DPP10: variants seen among roughly 807,000 people sequenced by gnomAD.
DPP10 encodes inactive dipeptidyl peptidase 10.
Under a neutral mutation model 120.9 loss-of-function variants are expected in DPP10, and 33 were observed. That is an observed-to-expected ratio of 0.27 (90% CI 0.21 to 0.37). The LOEUF (loss-of-function observed/expected upper bound fraction) is 0.37. Among genes scored for constraint, DPP10 ranks in the 10% least tolerant of loss-of-function variants. The pLI, the probability that DPP10 is intolerant of heterozygous loss-of-function variation, is 1.00. For missense variants in DPP10, 816 were observed against 942.8 expected (o/e 0.87, Z 1.76); for synonymous variants, 337 against 326.1 (o/e 1.03, Z -0.36).
At chr2:115,391,975 A>G (rs1359319197) in intron 3 of DPP10, among the ~76,000 whole-genome samples, 2 of 152,150 alleles carry the variant, frequency 1.3e-5, no homozygotes, top group Non-Finnish European at 2.9e-5. Context: ...CTATTGACCT[A>G]GAAGACTGGG....
chr2:114,910,174 AT>A (rs1488281278), intron 1 of DPP10, among the ~76,000 whole-genome samples: 1 of 151,948 alleles, frequency 6.6e-6, no homozygotes, highest in Non-Finnish European at 1.5e-5. Context: ...ATACACACAC[AT>A]ATAATTTATA....
intron 3 of DPP10, among the ~76,000 whole-genome samples, chr2:115,368,741 G>A (rs1469507300): frequency 6.6e-6 from 1 of 151,626 alleles, no homozygotes; most frequent in African/African-American, 2.4e-5. Flanking sequence ...TTTTAAAAGA[G>A]TGTGATAGTC....
intron 1 of DPP10, among the ~76,000 whole-genome samples, chr2:114,977,357 T>C (rs1265654933): frequency 6.6e-6 from 1 of 152,188 alleles, no homozygotes; most frequent in Non-Finnish European, 1.5e-5. Context: ...TGTAAGTGAA[T>C]GAATTCTTCA....
intron 11 of DPP10, among the ~76,000 whole-genome samples, chr2:115,761,045 C>G (rs181543596): frequency 9.8e-4 from 146 of 149,206 alleles, no homozygotes; most frequent in African/African-American, 3.4e-3. Context: ...TTCAGTGAGC[C>G]GAGATCGGGC....
chr2:114,999,789 A>T (rs193141145), intron 1 of DPP10, among the ~76,000 whole-genome samples: 21 of 152,122 alleles, frequency 1.4e-4, no homozygotes, highest in African/African-American at 4.8e-4. Context: ...ACCCCAGAAG[A>T]TGCTGCATCT....
Position 115,662,151 on chromosome 2 carries a change from C to T in DPP10, c.442-27536C>T, listed in dbSNP as rs1357605588. 3.9e-5 allele frequency among the ~76,000 whole-genome samples: 6 copies of T among 152,254 alleles called. No individual in the cohort carries two copies. In the East Asian group the frequency reaches 1.2e-3, roughly 29 times the overall value. ...TGTGTGTTTGGTTTATTTTACTAAG[C>T]TTAATGACCTTCAGGTTTATCCATT... On this transcript the variant is annotated intron_variant, in intron 5 of 25. Transcript: ENST00000410059.
chr2:115,712,871 T>C (rs1363809465), intron 7 of DPP10, among the ~76,000 whole-genome samples: 1 of 151,998 alleles, frequency 6.6e-6, no homozygotes, highest in Non-Finnish European at 1.5e-5. Flanking sequence ...ATCAAGTCCA[T>C]TGCAAATGTT....
chr2:115,213,047 G>A (rs1266061121), intron 1 of DPP10, among the ~76,000 whole-genome samples: 1 of 152,096 alleles, frequency 6.6e-6, no homozygotes, highest in Non-Finnish European at 1.5e-5. Flanking sequence ...CTTTACGTGA[G>A]TTCTTAAATA....
At chr2:115,026,815 T>G (rs1457719082) in intron 1 of DPP10, among the ~76,000 whole-genome samples, 1 of 152,140 alleles carries the variant, frequency 6.6e-6, no homozygotes, top group Non-Finnish European at 1.5e-5. Context: ...GGATTACAGG[T>G]GTGAGCCACT....
rs1237604800 is a variant in DPP10 at position 114,896,998 on chromosome 2, T to C, written c.61-412241T>C. On this transcript the variant is annotated intron_variant, in intron 1 of 25. Transcript: ENST00000410059. ...TTCTGCATCTATTGAGATAATCATG[T>C]GGTTTTTGTCTTTGGCTCTGTTTAT... Among the ~76,000 whole-genome samples the C allele has an allele frequency of 1.6e-4, 25 of 152,198 alleles. 1 individual carries two copies. Among genetic ancestry groups the C allele is most frequent in the Admixed American group, 1.6e-3 (25 of 15,284 alleles).
chr2:114,631,045 C>T (rs1012329251), intron 1 of DPP10, among the ~76,000 whole-genome samples: 2 of 152,048 alleles, frequency 1.3e-5, no homozygotes, highest in African/African-American at 4.8e-5. Flanking sequence ...AGATTTGCTG[C>T]AAGGAAAACT....
At chr2:115,699,052 A>AAAAAAAAAAAAAAAAC (rs2091760937) in intron 7 of DPP10, among the ~76,000 whole-genome samples, 1 of 143,154 alleles carries the variant, frequency 7.0e-6, no homozygotes, top group African/African-American at 2.5e-5. Flanking sequence ...AAAAAAAACA[A>AAAAAAAAAAAAAAAAC]GAGAAGACTC....
At chr2:115,056,341 GCA>G (rs926709409) in intron 1 of DPP10, among the ~76,000 whole-genome samples, 1 of 151,990 alleles carries the variant, frequency 6.6e-6, no homozygotes, top group African/African-American at 2.4e-5. Context: ...GTCACTGAAG[GCA>G]CACCATGATT....
chr2:115,185,245 CT>C (rs5833580), intron 1 of DPP10, among the ~76,000 whole-genome samples: 111,256 of 146,970 alleles, frequency 0.76, 42,266 homozygotes, highest in East Asian at 0.89. Context: ...TTTTTTGTTT[CT>C]TTTTTTTTTT....
At chr2:114,871,456 C>T (rs1558828618) in intron 1 of DPP10, among the ~76,000 whole-genome samples, 1 of 151,996 alleles carries the variant, frequency 6.6e-6, no homozygotes, top group Non-Finnish European at 1.5e-5. Context: ...TTTGCCGTTA[C>T]AAAAACTGTA....
chr2:114,636,605 G>A (rs186679111), intron 1 of DPP10, among the ~76,000 whole-genome samples: 1 of 152,044 alleles, frequency 6.6e-6, no homozygotes, highest in African/African-American at 2.4e-5. Flanking sequence ...TATACTCTGG[G>A]AACGCTGTAG....
At chr2:115,545,269 C>G (rs12618777) in intron 5 of DPP10, among the ~76,000 whole-genome samples, 78,862 of 151,976 alleles carry the variant, frequency 0.52, 23,723 homozygotes, top group Non-Finnish European at 0.69. Context: ...TTTCACATAT[C>G]TACTCATTCA....
intron 3 of DPP10, among the ~76,000 whole-genome samples, chr2:115,440,598 G>C (rs952438390): frequency 6.6e-6 from 1 of 152,228 alleles, no homozygotes; most frequent in South Asian, 2.1e-4. Context: ...CGGCCCCGAG[G>C]AAGGGGCTTG....
At chr2:115,084,910 A>G (rs1301810474) in intron 1 of DPP10, among the ~76,000 whole-genome samples, 1 of 152,202 alleles carries the variant, frequency 6.6e-6, no homozygotes, top group African/African-American at 2.4e-5. Context: ...TTCTAGGAAA[A>G]GGGCTTATTT....
Sources: allele counts gnomAD v4.1 joint callset (sites outside exome capture counted in the v4.1 genomes callset), GRCh38; gene constraint gnomAD v4.1.1; transcripts MANE v1.5; gene names NCBI Gene and HGNC (gene_info 2026-07-23, HGNC 2026-07-21).